TMEM135: variants seen among roughly 807,000 people sequenced by gnomAD.
TMEM135 encodes transmembrane protein 135.
TMEM135 carries 30 observed loss-of-function variants against 60.3 expected under a neutral mutation model. The observed-to-expected ratio is 0.50, with a 90% CI of 0.37 to 0.68. The LOEUF (loss-of-function observed/expected upper bound fraction) is 0.68. Ranked by LOEUF, TMEM135 falls within the 30% of genes least tolerant of loss-of-function variation. The probability of loss-of-function intolerance (pLI) is 0.00; values close to 1 mark genes in which losing one functional copy is unlikely to be tolerated. For missense variants in TMEM135, 468 were observed against 548.8 expected (o/e 0.85, Z 1.47); for synonymous variants, 190 against 186.7 (o/e 1.02, Z -0.14).
At chr11:87,160,297 A>G (rs1365980585) in intron 5 of TMEM135, among the ~76,000 whole-genome samples, 1 of 152,166 alleles carries the variant, frequency 6.6e-6, no homozygotes, top group African/African-American at 2.4e-5. Flanking sequence ...TCTGAAAGTA[A>G]GATAGTCTTT....
In TMEM135 at chr11:87,236,775, A is replaced by G. The variant is rs1328041319; in HGVS notation, c.509+91A>G. Reference sequence around the variant, plus strand: ...ACGAAACTAAAGTATTCTCCAAATAATTATCCCTTACAAGCAGCATACTCC... The same window carrying G: ...ACGAAACTAAAGTATTCTCCAAATAGTTATCCCTTACAAGCAGCATACTCC... On this transcript the variant is annotated intron_variant, in intron 6 of 14. Transcript: ENST00000305494. The G allele has an allele frequency of 2.3e-6, 3 of 1,288,346 alleles. No homozygotes were observed. In the African/African-American group the frequency reaches 4.4e-5, roughly 19 times the overall value. 79.8% of individuals were successfully genotyped at this position (1,288,346 alleles called of 1,614,324 possible).
chr11:87,122,286 C>T (rs1000213525), intron 4 of TMEM135, among the ~76,000 whole-genome samples: 3 of 145,264 alleles, frequency 2.1e-5, no homozygotes, highest in Non-Finnish European at 4.5e-5. Flanking sequence ...CTATTCTTGA[C>T]TGGCAGGTTT....
At chr11:87,250,615 G>A (rs518557) in intron 6 of TMEM135, among the ~76,000 whole-genome samples, 109,164 of 151,720 alleles carry the variant, frequency 0.72, 39,715 homozygotes, top group Non-Finnish European at 0.76. Flanking sequence ...ATTTTTTTCC[G>A]TTCTGGTCAG....
intron 7 of TMEM135, among the ~76,000 whole-genome samples, chr11:87,300,108 T>G (rs1942417252): frequency 1.3e-5 from 2 of 152,214 alleles, no homozygotes; most frequent in African/African-American, 4.8e-5. Flanking sequence ...AATATAATAA[T>G]AGCTTCTATA....
chr11:87,292,903 T>C (rs971740875), intron 6 of TMEM135, among the ~76,000 whole-genome samples: 1 of 152,246 alleles, frequency 6.6e-6, no homozygotes, highest in Non-Finnish European at 1.5e-5. Flanking sequence ...GATGTTTTGG[T>C]TGGCAATTAA....
chr11:87,043,767 C>G (rs1949771724), intron 1 of TMEM135, among the ~76,000 whole-genome samples: 1 of 151,988 alleles, frequency 6.6e-6, no homozygotes, highest in Non-Finnish European at 1.5e-5. Context: ...AACCCCTAGA[C>G]TACCACTAAG....
intron 4 of TMEM135, among the ~76,000 whole-genome samples, chr11:87,115,939 C>T (rs1001869689): frequency 6.6e-5 from 10 of 151,674 alleles, no homozygotes; most frequent in Non-Finnish European, 1.3e-4. Context: ...GTTTATTTAA[C>T]CTATCAGTGA....
rs1314352105 is a variant in TMEM135 at position 87,325,827 on chromosome 11, C to G, written c.*4494C>G. On this transcript the variant is annotated 3_prime_UTR_variant, in exon 15 of 15. Transcript: ENST00000305494. ...TCCAGAACAATTAATTTCTTCTCTT[C>G]TTAAAACCCCGTAACATCACTTGAC... 1 of 453,840 alleles carries G rather than the reference C, an allele frequency of 2.2e-6. No homozygotes were observed. Among genetic ancestry groups the G allele is most frequent in the Non-Finnish European group, 4.4e-6 (1 of 226,788 alleles). 28.1% of individuals were successfully genotyped at this position (453,840 alleles called of 1,614,324 possible).
intron 6 of TMEM135, among the ~76,000 whole-genome samples, chr11:87,291,018 ATT>A (rs1285925048): frequency 6.6e-6 from 1 of 152,204 alleles, no homozygotes; most frequent in Non-Finnish European, 1.5e-5. Flanking sequence ...GATTTTCTGC[ATT>A]ATAAGTTGTG....
chr11:87,238,295 A>T (rs1448929624), intron 6 of TMEM135, among the ~76,000 whole-genome samples: 3 of 152,040 alleles, frequency 2.0e-5, no homozygotes. Flanking sequence ...GCACAATTAT[A>T]TAATTTTAAA....
chr11:87,205,485 A>G (rs1387541688), intron 5 of TMEM135, among the ~76,000 whole-genome samples: 1 of 152,196 alleles, frequency 6.6e-6, no homozygotes, highest in African/African-American at 2.4e-5. Flanking sequence ...GATAATGTAT[A>G]TATTCTAGAG....
intron 3 of TMEM135, among the ~76,000 whole-genome samples, chr11:87,075,220 G>A (rs559473966): frequency 3.7e-4 from 56 of 151,740 alleles, no homozygotes; most frequent in South Asian, 2.7e-3. Context: ...GTGCGGTGGC[G>A]CCATCTCTGT....
At chr11:87,195,488 A>G (rs1280074884) in intron 5 of TMEM135, among the ~76,000 whole-genome samples, 2 of 150,944 alleles carry the variant, frequency 1.3e-5, no homozygotes, top group East Asian at 2.0e-4. Flanking sequence ...GTGCAATGGC[A>G]TGATCTCAGC....
chr11:87,171,483 A>G (rs960023416), intron 5 of TMEM135, among the ~76,000 whole-genome samples: 3 of 152,132 alleles, frequency 2.0e-5, no homozygotes, highest in Non-Finnish European at 4.4e-5. Flanking sequence ...TACTGCAAAC[A>G]TATATGTTAA....
At chr11:87,314,746 A>T (rs1220671062) in intron 12 of TMEM135, among the ~76,000 whole-genome samples, 199 bp downstream of exon 12, 1 of 151,818 alleles carries the variant, frequency 6.6e-6, no homozygotes, top group Non-Finnish European at 1.5e-5. Context: ...AGAGTAGTGT[A>T]ATTAACCCTC....
At chr11:87,155,347 A>G (rs770207782) in intron 4 of TMEM135, among the ~76,000 whole-genome samples, 4 of 152,224 alleles carry the variant, frequency 2.6e-5, no homozygotes, top group Non-Finnish European at 5.9e-5. Flanking sequence ...TCAAGAAATC[A>G]TTGTTAAATC....
intron 4 of TMEM135, among the ~76,000 whole-genome samples, chr11:87,115,886 C>T (rs1420294055): frequency 6.6e-6 from 1 of 151,864 alleles, no homozygotes; most frequent in African/African-American, 2.4e-5. Context: ...GTAGCATAGT[C>T]TTAGATATTT....
chr11:87,081,823 G>T (rs1327481392), intron 3 of TMEM135, among the ~76,000 whole-genome samples: 1 of 152,048 alleles, frequency 6.6e-6, no homozygotes, highest in Non-Finnish European at 1.5e-5. Context: ...ATTAGCTGAA[G>T]TAGTTTTATT....
chr11:87,326,849 G>T lies in TMEM135; in HGVS notation c.*5516G>T. On this transcript the variant is annotated 3_prime_UTR_variant, in exon 15 of 15. Coordinates refer to ENST00000305494, the MANE Select transcript of TMEM135 (RefSeq NM_022918.4). ...AGGGATAGCACTAAGGCTCTCTTCAGAACCAAAGGGCAGGATAAATAAATC... is the reference window on the plus strand; with the variant it reads ...AGGGATAGCACTAAGGCTCTCTTCATAACCAAAGGGCAGGATAAATAAATC... 1 of 450,388 alleles carries T rather than the reference G, an allele frequency of 2.2e-6. No individual in the cohort carries two copies. The highest frequency in any genetic ancestry group is 4.4e-6 in the Non-Finnish European group (1 of 226,106). 27.9% of individuals were successfully genotyped at this position (450,388 alleles called of 1,614,324 possible).
Sources: gnomAD v4.1 joint callset for allele counts (sites outside exome capture counted in the v4.1 genomes callset) on GRCh38, gnomAD v4.1.1 for gene constraint, MANE v1.5 for transcripts, NCBI Gene and HGNC (gene_info 2026-07-23, HGNC 2026-07-21) for gene names.